The following MTMR8 variants were observed in gnomAD, a reference collection of about 807,000 sequenced individuals.
MTMR8 encodes myotubularin related protein 8, also known as phosphatidylinositol-3,5-bisphosphate 3-phosphatase MTMR8.
A neutral mutation model predicts 39.3 loss-of-function variants in MTMR8; 65 were observed. The ratio of observed to expected loss-of-function variants is 1.65; its 90% CI spans 1.35 to 2.03. The LOEUF is 2.03. MTMR8 is among the 30% of genes most tolerant of loss of function. MTMR8 has a pLI of 0.00. For synonymous variants in MTMR8, 245 were observed against 185.2 expected, an observed-to-expected ratio of 1.32 and a Z score of -2.62; for missense variants, 777 against 538.9, an observed-to-expected ratio of 1.44 and a Z score of -4.37.
At position 64,268,516 on chromosome X, in the gene MTMR8, C is replaced by A; in HGVS notation, c.*21G>T. Reference sequence around the variant, plus strand: ...TTGTAGCTGCTGTAGGTATACCTAGCATGGAAGATGAGTAACTAACTCACT... The same window carrying A: ...TTGTAGCTGCTGTAGGTATACCTAGAATGGAAGATGAGTAACTAACTCACT... On this transcript the variant is annotated 3_prime_UTR_variant, in exon 14 of 14. Transcript: ENST00000374852. 1 of 1,187,344 alleles carries A rather than the reference C, an allele frequency of 8.4e-7. No individual in the cohort carries two copies. The highest frequency in any genetic ancestry group is 1.1e-6 in the Non-Finnish European group (1 of 884,366).
chrX:64,369,527 C>T (rs1047776297), intron 1 of MTMR8, among the ~76,000 whole-genome samples: 1 of 110,997 alleles, frequency 9.0e-6, no homozygotes, highest in Non-Finnish European at 1.9e-5. Flanking sequence ...GAAAACCAAA[C>T]ACTGCATGTT....
chrX:64,288,541 T>C (rs1469357464), intron 12 of MTMR8, among the ~76,000 whole-genome samples: 2 of 111,876 alleles, frequency 1.8e-5, no homozygotes, highest in Non-Finnish European at 3.8e-5. Flanking sequence ...GGAATATAAA[T>C]CATGCTGCTA....
intron 1 of MTMR8, among the ~76,000 whole-genome samples, chrX:64,373,697 C>T (rs138258198): frequency 1.6e-4 from 18 of 111,089 alleles, no homozygotes; most frequent in African/African-American, 5.2e-4. Context: ...ACCCCTATGG[C>T]CCACCCTCTA....
At chrX:64,326,547 C>T (rs565754143) in intron 12 of MTMR8, among the ~76,000 whole-genome samples, 83 of 111,071 alleles carry the variant, frequency 7.5e-4, no homozygotes, top group Non-Finnish European at 1.1e-3. Flanking sequence ...TTGAAGAGGA[C>T]ACAGATAAAC....
intron 8 of MTMR8, among the ~76,000 whole-genome samples, chrX:64,341,119 A>G (rs1050624720): frequency 8.9e-5 from 10 of 112,511 alleles, no homozygotes; most frequent in African/African-American, 3.2e-4. Context: ...GAAAAGAATG[A>G]CGTAGTACTG....
At chrX:64,294,285 T>G (rs1921493891) in intron 12 of MTMR8, among the ~76,000 whole-genome samples, 1 of 111,700 alleles carries the variant, frequency 9.0e-6, no homozygotes, top group African/African-American at 3.2e-5. Context: ...CATGCTCCAA[T>G]TGGGAAATAT....
intron 12 of MTMR8, among the ~76,000 whole-genome samples, chrX:64,288,735 G>C (rs993502217): frequency 9.0e-6 from 1 of 110,909 alleles, no homozygotes; most frequent in African/African-American, 3.3e-5. Context: ...GGATGAAGCT[G>C]GAAACCATCA....
intron 7 of MTMR8, among the ~76,000 whole-genome samples, chrX:64,344,209 T>TA (rs1236993103): frequency 8.1e-5 from 9 of 111,437 alleles, no homozygotes; most frequent in Non-Finnish European, 1.9e-5. Flanking sequence ...TCTTTTGCCT[T>TA]AAAAATCTGT....
intron 1 of MTMR8, among the ~76,000 whole-genome samples, chrX:64,363,587 C>T (rs931977948): frequency 4.4e-5 from 5 of 112,368 alleles, no homozygotes; most frequent in African/African-American, 1.6e-4. Flanking sequence ...GCCAATTAAA[C>T]TTCTTTTCTT....
chrX:64,278,694 G>C (rs1012507628), intron 12 of MTMR8, among the ~76,000 whole-genome samples: 1 of 109,370 alleles, frequency 9.1e-6, no homozygotes, highest in African/African-American at 3.3e-5. Flanking sequence ...GGCTGGTCTC[G>C]AACTCCTGAC....
intron 8 of MTMR8, among the ~76,000 whole-genome samples, chrX:64,340,434 A>T (rs1923184879): frequency 9.0e-6 from 1 of 110,910 alleles, no homozygotes; most frequent in South Asian, 3.8e-4. Context: ...GAGTAACTAG[A>T]AGGTATAGAG....
chrX:64,334,629 G>A (rs370123323), intron 10 of MTMR8, among the ~76,000 whole-genome samples: 43 of 103,397 alleles, frequency 4.2e-4, no homozygotes, highest in South Asian at 1.4e-3. Flanking sequence ...TCACTGGCTC[G>A]GCTTCCCTGG....
intron 12 of MTMR8, among the ~76,000 whole-genome samples, chrX:64,324,355 A>T (rs6624108): frequency 1.8e-5 from 2 of 110,868 alleles, no homozygotes; most frequent in Non-Finnish European, 3.8e-5. Context: ...GAGTGAGATC[A>T]TATCTCAAGA....
intron 12 of MTMR8, among the ~76,000 whole-genome samples, chrX:64,316,039 C>T (rs1922456407): frequency 9.0e-6 from 1 of 111,180 alleles, no homozygotes; most frequent in African/African-American, 3.3e-5. Flanking sequence ...CTTTTCCCTC[C>T]CCTATTTATA....
chrX:64,306,394 C>T (rs1026741720), intron 12 of MTMR8: 5 of 176,961 alleles, frequency 2.8e-5, no homozygotes, highest in African/African-American at 1.5e-4. Flanking sequence ...TAGACTAGAA[C>T]AGGTAGTATT....
At chrX:64,276,302 AGATG>A (rs1931870679) in intron 12 of MTMR8, among the ~76,000 whole-genome samples, 1 of 110,736 alleles carries the variant, frequency 9.0e-6, no homozygotes, top group Non-Finnish European at 1.9e-5. Context: ...TTCTAGTTCT[AGATG>A]TTAGGGTGTT....
At chrX:64,378,851 C>T (rs953688219) in intron 1 of MTMR8, among the ~76,000 whole-genome samples, 7 of 111,716 alleles carry the variant, frequency 6.3e-5, no homozygotes, top group Admixed American at 1.9e-4. Flanking sequence ...AAACCCAAAG[C>T]TGGCTCTTTG....
At chrX:64,320,470 G>A (rs980017201) in intron 12 of MTMR8, among the ~76,000 whole-genome samples, 9 of 110,677 alleles carry the variant, frequency 8.1e-5, no homozygotes, top group African/African-American at 3.0e-4. Context: ...AGCTCCCTAA[G>A]GTATGGGCTC....
At chrX:64,299,769 G>A (rs1921773490) in intron 12 of MTMR8, among the ~76,000 whole-genome samples, 1 of 100,347 alleles carries the variant, frequency 1.0e-5, no homozygotes, top group Non-Finnish European at 2.0e-5. Context: ...CAGAGATTCT[G>A]GTATGTTGTG....
Sources: gnomAD v4.1 joint callset for allele counts (sites outside exome capture counted in the v4.1 genomes callset) on GRCh38, gnomAD v4.1.1 for gene constraint, MANE v1.5 for transcripts, NCBI Gene and HGNC (gene_info 2026-07-23, HGNC 2026-07-21) for gene names.